DUSP8: variants seen among roughly 807,000 people sequenced by gnomAD.
DUSP8 encodes dual specificity phosphatase 8, also known as dual specificity protein phosphatase 8.
In DUSP8, 15 loss-of-function variants were observed where a neutral mutation model predicts 38.7. That is an observed-to-expected ratio of 0.39 (90% CI 0.26 to 0.60). The LOEUF (loss-of-function observed/expected upper bound fraction) is 0.60. Ranked by LOEUF, DUSP8 falls within the 20% of genes least tolerant of loss-of-function variation. DUSP8 has a pLI of 0.56. For synonymous variants in DUSP8, 458 were observed against 433.9 expected, an observed-to-expected ratio of 1.06 and a Z score of -0.69; for missense variants, 768 against 915.0, an observed-to-expected ratio of 0.84 and a Z score of 2.07.
chr11:1,564,440 A>T (rs1252940134), intron 2 of DUSP8, among the ~76,000 whole-genome samples: 2 of 152,168 alleles, frequency 1.3e-5, no homozygotes, highest in Non-Finnish European at 2.9e-5. Context: ...CTGTGTAGCC[A>T]GCAATTCTGC....
Position 1,562,691 on chromosome 11 carries a change from G to GCACA in DUSP8, c.370+1156_370+1159dup, listed in dbSNP as rs35314980. On this transcript the variant is annotated intron_variant, in intron 3 of 6. Coordinates refer to ENST00000397374, the MANE Select transcript of DUSP8 (RefSeq NM_004420.3). ...TGCACACACATACATGCATGCACAT[G>GCACA]CACACACACACATACATGCACACAC... Among the ~76,000 whole-genome samples, 1,187 of 150,956 alleles carry GCACA rather than the reference G, an allele frequency of 7.9e-3. 13 individuals are homozygous for GCACA. The highest frequency in any genetic ancestry group is 0.026 in the African/African-American group (1,040 of 40,724).
In DUSP8 at chr11:1,557,324, G is replaced by A. The variant is rs1397034259; in HGVS notation, c.1072C>T (p.Pro358Ser). ...GCCGGGGGCGTGGGGGGCGCGGGGG[G>A]CTCCCCGCCCGCGCTCAGGCCGCCC... ...REGGLSAGGE[P>S]PAPPTPPATS... Residue 358 changes from proline to serine, a missense_variant, in exon 7 of 7, where the codon CCC becomes TCC. Pro to Ser is a moderately conservative substitution (Grantham distance 74). Around this residue, in one of 3 missense-constraint regions of DUSP8, gnomAD observed 474 missense variants for 430.8 expected, o/e 1.10. Coordinates refer to ENST00000397374, the MANE Select transcript of DUSP8 (RefSeq NM_004420.3). The surrounding 1 kb of genome is among the most constrained non-coding windows in gnomAD (Gnocchi z 9.9). The A allele has an allele frequency of 7.3e-6, 11 of 1,500,052 alleles. No homozygotes were observed. The highest frequency in any genetic ancestry group is 2.5e-5 in the South Asian group (2 of 78,648). 92.9% of individuals were successfully genotyped at this position (1,500,052 alleles called of 1,614,324 possible).
chr11:1,568,613 C>A (rs1848842420), intron 1 of DUSP8, among the ~76,000 whole-genome samples: 1 of 152,168 alleles, frequency 6.6e-6, no homozygotes, highest in South Asian at 2.1e-4. Context: ...GGGCACGCGC[C>A]CCTCCCTGCT....
In DUSP8 at chr11:1,554,413, G is replaced by T. The variant is rs2133422445; in HGVS notation, c.*2105C>A. On this transcript the variant is annotated 3_prime_UTR_variant, in exon 7 of 7. Coordinates refer to ENST00000397374, the MANE Select transcript of DUSP8 (RefSeq NM_004420.3). ...AGGAGGCAGTGGCCAGGTGGGAGGG[G>T]CCGGAGAGAGGCTTGGAGAGGACTC... The T allele has an allele frequency of 6.5e-6, 1 of 152,978 alleles. No homozygotes were observed. Among genetic ancestry groups the T allele is most frequent in the East Asian group, 1.9e-4 (1 of 5,164 alleles). 9.5% of individuals were successfully genotyped at this position (152,978 alleles called of 1,614,324 possible).
rs114257910 is a variant in DUSP8, at chr11:1,568,650, C to T, written c.-108-2716G>A. 7.1e-3 allele frequency among the ~76,000 whole-genome samples: 1,088 copies of T among 152,248 alleles called. 12 individuals are homozygous for T. The highest frequency in any genetic ancestry group is 0.024 in the African/African-American group (977 of 41,538). On this transcript the variant is annotated intron_variant, in intron 1 of 6. Transcript: ENST00000397374. The stretch of plus-strand genomic sequence containing the variant: ...TCTCCTACCCACCCCAGCAGGTGCC[C>T]GGCAGTGCAGAGCCCAGTCCTCAGC...
At chr11:1,571,098 G>A (rs1172008818) in intron 1 of DUSP8, among the ~76,000 whole-genome samples, 1 of 152,156 alleles carries the variant, frequency 6.6e-6, no homozygotes, top group Non-Finnish European at 1.5e-5. Context: ...GGGAGACGGA[G>A]GCAGATTCTC....
chr11:1,564,395 G>A (rs894665422), intron 2 of DUSP8, among the ~76,000 whole-genome samples: 1 of 152,214 alleles, frequency 6.6e-6, no homozygotes, highest in African/African-American at 2.4e-5. Flanking sequence ...GCCCTGAAAC[G>A]CATGCCTTCG....
At chr11:1,566,300 C>T (rs180840787) in intron 1 of DUSP8, among the ~76,000 whole-genome samples, 111 of 152,240 alleles carry the variant, frequency 7.3e-4, no homozygotes, top group African/African-American at 2.6e-3. Flanking sequence ...ACAGGACCCC[C>T]AGCAAGTCGG....
intron 3 of DUSP8, chr11:1,559,452 G>C (rs1223358255): frequency 5.0e-6 from 1 of 199,530 alleles, no homozygotes; most frequent in Non-Finnish European, 1.0e-5. Flanking sequence ...GCCCAGAGGA[G>C]AGGCCCTCAC....
At chr11:1,561,819 C>T (rs938643353) in intron 3 of DUSP8, among the ~76,000 whole-genome samples, 2 of 152,004 alleles carry the variant, frequency 1.3e-5, no homozygotes, top group Non-Finnish European at 2.9e-5. Flanking sequence ...CTGCCCCCCC[C>T]AATATATTCT....
intron 1 of DUSP8, among the ~76,000 whole-genome samples, chr11:1,568,484 G>C (rs1008133030): frequency 2.6e-5 from 4 of 152,176 alleles, no homozygotes; most frequent in African/African-American, 9.7e-5. Context: ...GTTATTTGCA[G>C]CCGAAGGGGA....
At chr11:1,559,706 C>T (rs894156469) in intron 3 of DUSP8, among the ~76,000 whole-genome samples, 3 of 152,158 alleles carry the variant, frequency 2.0e-5, no homozygotes, top group South Asian at 2.1e-4. Context: ...CAGGGGAGGA[C>T]GGAGAGTGGA....
rs748533831 is a variant in DUSP8 at position 1,558,857 on chromosome 11, T to C, written c.537+32A>G. ...TCTGGAGCTCCTGCCCCTTTCCCAT[T>C]GACCACCCCCCGAACTCCACTGCAC... On this transcript the variant is annotated intron_variant, in intron 4 of 6. Transcript: ENST00000397374. The surrounding 1 kb of genome is among the most constrained non-coding windows in gnomAD (Gnocchi z 6.3). 1.1e-5 allele frequency: 17 copies of C among 1,572,828 alleles called. No homozygotes were observed. Among genetic ancestry groups the C allele is most frequent in the African/African-American group, 1.4e-5 (1 of 73,490 alleles).
chr11:1,570,343 A>C (rs529013087), intron 1 of DUSP8, among the ~76,000 whole-genome samples: 2 of 152,270 alleles, frequency 1.3e-5, no homozygotes, highest in African/African-American at 2.4e-5. Flanking sequence ...CAGCGGGTGC[A>C]GTTCTCATGG....
intron 1 of DUSP8, among the ~76,000 whole-genome samples, chr11:1,570,622 C>T (rs1848873504): frequency 8.5e-6 from 1 of 117,978 alleles, no homozygotes; most frequent in South Asian, 2.6e-4. Flanking sequence ...GGAATAGAAC[C>T]TGCCCAGCCA....
chr11:1,572,377 G>C (rs1467597222), upstream of DUSP8, among the ~76,000 whole-genome samples: 1 of 149,844 alleles, frequency 6.7e-6, no homozygotes, highest in Non-Finnish European at 1.5e-5. This position sits in a 1 kb window ranked among gnomAD's most constrained non-coding sequence, Gnocchi z 4.7. Context: ...CGGCTCGGGG[G>C]CAGGTGACGT....
Position 1,554,946 on chromosome 11 carries a change from C to T in DUSP8, c.*1572G>A. 8 of 986,042 alleles carry T rather than the reference C, an allele frequency of 8.1e-6. No homozygotes were observed. The highest frequency in any genetic ancestry group is 9.6e-6 in the Non-Finnish European group (8 of 830,154). The allele number at this position is 986,042 out of a possible 1,614,324, so 61.1% of individuals were successfully genotyped here. On this transcript the variant is annotated 3_prime_UTR_variant, in exon 7 of 7. Transcript: ENST00000397374. ...TTGCTGAAAGGAGGGATGACAGGAA[C>T]ACAGAGCTGTGGGTGAAAAGAAGAA... is the stretch of plus-strand genomic sequence containing the variant.
At position 1,558,277 on chromosome 11, in the gene DUSP8, GGGGCGGGA is replaced by G; in HGVS notation, c.538-14_538-7del. 3 of 1,551,070 alleles carry G rather than the reference GGGGCGGGA, an allele frequency of 1.9e-6. No individual in the cohort carries two copies. Among genetic ancestry groups the G allele is most frequent in the Non-Finnish European group, 2.6e-6 (3 of 1,139,986 alleles). On this transcript the variant is annotated splice_polypyrimidine_tract_variant and splice_region_variant and intron_variant, in intron 4 of 6. Transcript: ENST00000397374. The surrounding 1 kb of genome is among the most constrained non-coding windows in gnomAD (Gnocchi z 6.3). The stretch of plus-strand genomic sequence containing the variant: ...CCATTTTGCGTCATCAGATCCTGGA[GGGGCGGGA>G]GGGCGGGTTGGAAAGGGGTGGGAGA...
intron 1 of DUSP8, among the ~76,000 whole-genome samples, chr11:1,570,504 C>G (rs551558774): frequency 6.6e-6 from 1 of 150,526 alleles, no homozygotes; most frequent in African/African-American, 2.4e-5. Flanking sequence ...CAGCCCCAGC[C>G]TGAGAAGAGA....
Sources: allele counts gnomAD v4.1 joint callset (sites outside exome capture counted in the v4.1 genomes callset), GRCh38; gene constraint gnomAD v4.1.1; regional missense constraint gnomAD v4.1.1; non-coding constraint Gnocchi (gnomAD v3.1); transcripts MANE v1.5; gene names NCBI Gene and HGNC (gene_info 2026-07-23, HGNC 2026-07-21).